The following KLHL20 variants were observed in gnomAD, a reference collection of about 807,000 sequenced individuals.
The protein encoded by KLHL20 is kelch like family member 20, also known as kelch-like protein 20.
A neutral mutation model predicts 69.5 loss-of-function variants in KLHL20; 29 were observed. The ratio of observed to expected loss-of-function variants is 0.42; its 90% CI spans 0.31 to 0.57. The LOEUF (loss-of-function observed/expected upper bound fraction) is 0.57. Among genes scored for constraint, KLHL20 ranks in the 20% least tolerant of loss-of-function variants. The pLI, the probability that KLHL20 is intolerant of heterozygous loss-of-function variation, is 0.18. For synonymous variants in KLHL20, 253 were observed against 265.2 expected, an observed-to-expected ratio of 0.95 and a Z score of 0.45; for missense variants, 419 against 776.0, an observed-to-expected ratio of 0.54 and a Z score of 5.47.
At chr1:173,771,428 A>G (rs1275624878) in intron 8 of KLHL20, among the ~76,000 whole-genome samples, 1 of 152,090 alleles carries the variant, frequency 6.6e-6, no homozygotes, top group African/African-American at 2.4e-5. Context: ...ATAGATACAT[A>G]CAGTTAACTG....
At chr1:173,725,829 A>G in intron 2 of KLHL20, among the ~76,000 whole-genome samples, 1 of 152,222 alleles carries the variant, frequency 6.6e-6, no homozygotes, top group East Asian at 1.9e-4. Flanking sequence ...GCGATGCAGA[A>G]GACGAATGAT....
chr1:173,720,440 A>G (rs1057497277), intron 2 of KLHL20, among the ~76,000 whole-genome samples: 2 of 152,190 alleles, frequency 1.3e-5, no homozygotes, highest in Non-Finnish European at 2.9e-5. Context: ...GGAAGTAGAA[A>G]ACATGGAAAT....
chr1:173,725,030 CTCT>C (rs779642882), intron 2 of KLHL20, among the ~76,000 whole-genome samples: 7 of 151,806 alleles, frequency 4.6e-5, no homozygotes, highest in East Asian at 3.9e-4. Context: ...AGTTATTTGA[CTCT>C]TCTTCTTGAT....
intron 10 of KLHL20, chr1:173,781,819 C>T (rs1468500793): frequency 1.4e-5 from 3 of 207,924 alleles, no homozygotes; most frequent in Non-Finnish European, 2.9e-5. Flanking sequence ...AAGATTAGAG[C>T]AGGCAAATAC....
intron 10 of KLHL20, among the ~76,000 whole-genome samples, chr1:173,780,062 G>A (rs7537349): frequency 0.025 from 3,866 of 152,304 alleles, 178 homozygotes; most frequent in African/African-American, 0.089. Context: ...CAGTAGCTAA[G>A]CACTCCACAA....
Position 173,756,053 on chromosome 1 carries a change from A to T in KLHL20, c.967+15A>T. 1.3e-6 allele frequency: 2 copies of T among 1,526,898 alleles called. No homozygotes were observed. The highest frequency in any genetic ancestry group is 1.8e-6 in the Non-Finnish European group (2 of 1,104,010). The allele number at this position is 1,526,898 out of a possible 1,614,324, so 94.6% of individuals were successfully genotyped here. On this transcript the variant is annotated intron_variant, in intron 6 of 11. Transcript: ENST00000209884. ...ACTCTTTGCAGGTTTGGATCTTAAT[A>T]TACTGTTAGTAAATTGAGTATTTTC...
chr1:173,756,300 A>G (rs539307441), intron 6 of KLHL20, among the ~76,000 whole-genome samples: 1 of 152,288 alleles, frequency 6.6e-6, no homozygotes, highest in South Asian at 2.1e-4. Flanking sequence ...TCATGCCTAT[A>G]CAGCTTTCTG....
At chr1:173,723,725 G>A (rs1259893830) in intron 2 of KLHL20, among the ~76,000 whole-genome samples, 1 of 152,186 alleles carries the variant, frequency 6.6e-6, no homozygotes, top group Non-Finnish European at 1.5e-5. Flanking sequence ...CAGAATGCTT[G>A]AGTCATCCCC....
chr1:173,766,664 GAAAC>G (rs955080652), intron 8 of KLHL20, among the ~76,000 whole-genome samples: 22 of 144,586 alleles, frequency 1.5e-4, no homozygotes, highest in East Asian at 1.0e-3. Flanking sequence ...AAAAAAAAAA[GAAAC>G]AAGTAGAGCT....
intron 8 of KLHL20, among the ~76,000 whole-genome samples, chr1:173,773,815 C>T (rs1317379734): frequency 6.6e-6 from 1 of 151,778 alleles, no homozygotes; most frequent in African/African-American, 2.4e-5. Flanking sequence ...AGATCGAGAC[C>T]CTCCTGGCTA....
chr1:173,756,158 C>CAT, intron 6 of KLHL20, 120 bp downstream of exon 6: 1 of 694,530 alleles, frequency 1.4e-6, no homozygotes, highest in East Asian at 2.8e-5. Flanking sequence ...AATAAGTCAG[C>CAT]ATATAGCTTG....
At chr1:173,774,985 A>G (rs1274507899) in intron 9 of KLHL20, among the ~76,000 whole-genome samples, 1 of 151,978 alleles carries the variant, frequency 6.6e-6, no homozygotes, top group Non-Finnish European at 1.5e-5. Context: ...TGATTTTTGT[A>G]TTTTTAGTAG....
chr1:173,757,273 G>A, intron 7 of KLHL20, 114 bp downstream of exon 7: 3 of 1,001,000 alleles, frequency 3.0e-6, no homozygotes, highest in Non-Finnish European at 4.4e-6. Context: ...GGCACTAGTT[G>A]GCAACCTAAA....
At chr1:173,751,485 A>G (rs892850697) in intron 3 of KLHL20, among the ~76,000 whole-genome samples, 9 of 152,186 alleles carry the variant, frequency 5.9e-5, no homozygotes, top group African/African-American at 2.2e-4. Context: ...TGATATAGTT[A>G]ATTTGTCTTA....
chr1:173,745,170 CTTTTTTT>C (rs796578983), intron 3 of KLHL20, among the ~76,000 whole-genome samples: 3,479 of 115,580 alleles, frequency 0.03, 156 homozygotes, highest in African/African-American at 0.11. Flanking sequence ...TTTCTTTTTT[CTTTTTTT>C]TTTTTTTTTT....
chr1:173,774,013 CAAA>C (rs34034171), intron 8 of KLHL20, among the ~76,000 whole-genome samples: 15 of 108,096 alleles, frequency 1.4e-4, no homozygotes, highest in Admixed American at 9.4e-5. Flanking sequence ...GACTCCATCT[CAAA>C]AAAAAAAAAA....
intron 2 of KLHL20, among the ~76,000 whole-genome samples, chr1:173,718,779 T>C (rs1671579590): frequency 6.6e-6 from 1 of 152,114 alleles, no homozygotes; most frequent in Admixed American, 6.5e-5. Context: ...CAGTATATCA[T>C]GCACATTCTT....
rs773044971 is a variant in KLHL20, at chr1:173,734,399, CAAAT to C, written c.597+120_597+123del. 3 of 883,986 alleles carry C rather than the reference CAAAT, an allele frequency of 3.4e-6. No individual in the cohort carries two copies. The South Asian group carries it at 4.3e-5, about 13-fold the overall frequency. The allele number at this position is 883,986 out of a possible 1,614,324, so 54.8% of individuals were successfully genotyped here. ...TCCTGCTGATTCTAACTCATAATAGCAAATAAATAAGTTATTATAAATCCTAAAC... is the reference window on the plus strand; with the variant it reads ...TCCTGCTGATTCTAACTCATAATAGCAAATAAGTTATTATAAATCCTAAAC... On this transcript the variant is annotated intron_variant, in intron 3 of 11. Coordinates refer to ENST00000209884, the MANE Select transcript of KLHL20 (RefSeq NM_014458.4).
chr1:173,767,671 AT>A (rs1390331109), intron 8 of KLHL20, among the ~76,000 whole-genome samples: 2 of 152,278 alleles, frequency 1.3e-5, no homozygotes, highest in East Asian at 3.9e-4. Context: ...ATACTGAGCC[AT>A]TTTTATGTGT....
Sources: allele counts gnomAD v4.1 joint callset (sites outside exome capture counted in the v4.1 genomes callset), GRCh38; gene constraint gnomAD v4.1.1; transcripts MANE v1.5; gene names NCBI Gene and HGNC (gene_info 2026-07-23, HGNC 2026-07-21).